Variants in RSPO2 observed in about 807,000 individuals in gnomAD.
The protein encoded by RSPO2 is R-spondin 2, also known as R-spondin-2.
A neutral mutation model predicts 30.9 loss-of-function variants in RSPO2; 14 were observed. The ratio of observed to expected loss-of-function variants is 0.45; its 90% CI spans 0.30 to 0.71. The LOEUF (loss-of-function observed/expected upper bound fraction) is 0.71, where lower values mean the gene tolerates loss of function less well. Among genes scored for constraint, RSPO2 ranks in the 30% least tolerant of loss-of-function variants. The pLI, the probability that RSPO2 is intolerant of heterozygous loss-of-function variation, is 0.08. For synonymous variants in RSPO2, 107 were observed against 96.4 expected, an observed-to-expected ratio of 1.11 and a Z score of -0.64; for missense variants, 264 against 301.9, an observed-to-expected ratio of 0.87 and a Z score of 0.93.
intron 5 of RSPO2, among the ~76,000 whole-genome samples, chr8:107,913,932 G>C (rs1032682970): frequency 5.9e-5 from 9 of 152,108 alleles, no homozygotes; most frequent in Non-Finnish European, 1.2e-4. Context: ...GCTTCTATCA[G>C]TATGTTCTTG....
intron 3 of RSPO2, among the ~76,000 whole-genome samples, chr8:107,972,302 T>C (rs1814028334): frequency 1.3e-5 from 2 of 151,960 alleles, no homozygotes; most frequent in African/African-American, 4.8e-5. Context: ...CCTGCCACCA[T>C]GTCTGGATAA....
At chr8:108,058,836 T>C (rs201752947) in intron 2 of RSPO2, among the ~76,000 whole-genome samples, 11 of 151,642 alleles carry the variant, frequency 7.3e-5, no homozygotes, top group Admixed American at 5.3e-4. Context: ...ACACCTTATA[T>C]AAAAATTAAT....
intron 2 of RSPO2, among the ~76,000 whole-genome samples, chr8:108,039,241 T>C (rs1348444319): frequency 6.6e-6 from 1 of 152,176 alleles, no homozygotes; most frequent in Non-Finnish European, 1.5e-5. Flanking sequence ...AATTAGAAAT[T>C]ACAAGTTCTA....
At chr8:107,993,405 G>A (rs1343298874) in intron 2 of RSPO2, among the ~76,000 whole-genome samples, 7 of 152,126 alleles carry the variant, frequency 4.6e-5, no homozygotes, top group Admixed American at 4.6e-4. Flanking sequence ...GGATAATACA[G>A]ATACACATGA....
chr8:107,992,579 AAC>A (rs1227746526), intron 2 of RSPO2, among the ~76,000 whole-genome samples: 1 of 152,126 alleles, frequency 6.6e-6, no homozygotes. Flanking sequence ...AAAGGAATAA[AAC>A]ACACTGTTCA....
intron 3 of RSPO2, among the ~76,000 whole-genome samples, chr8:107,984,278 T>A (rs1166115312): frequency 6.6e-6 from 1 of 152,250 alleles, no homozygotes; most frequent in Non-Finnish European, 1.5e-5. Context: ...TTTTCTTATC[T>A]TCAGGTTTAA....
intron 3 of RSPO2, among the ~76,000 whole-genome samples, chr8:107,964,154 C>T (rs1813721731): frequency 6.6e-6 from 1 of 152,210 alleles, no homozygotes; most frequent in African/African-American, 2.4e-5. Flanking sequence ...TGCAGGTGGC[C>T]CATGCATTCA....
intron 2 of RSPO2, among the ~76,000 whole-genome samples, chr8:108,036,979 TCTCTCTCA>T (rs1346995673): frequency 2.6e-5 from 4 of 152,154 alleles, no homozygotes; most frequent in Non-Finnish European, 5.9e-5. Flanking sequence ...ACTGTTGCCA[TCTCTCTCA>T]CTCTCTCCTC....
chr8:108,007,354 C>T (rs1183882975), intron 2 of RSPO2, among the ~76,000 whole-genome samples: 1 of 151,336 alleles, frequency 6.6e-6, no homozygotes, highest in Admixed American at 6.6e-5. Context: ...CATCCAAATA[C>T]CATTTGGTGA....
chr8:107,941,538 C>T (rs544196653), intron 5 of RSPO2, among the ~76,000 whole-genome samples: 1 of 152,016 alleles, frequency 6.6e-6, no homozygotes, highest in African/African-American at 2.4e-5. Context: ...TAAGATAGCC[C>T]CCGGCTAGAT....
intron 5 of RSPO2, among the ~76,000 whole-genome samples, chr8:107,913,574 C>A (rs1811887665): frequency 6.6e-6 from 1 of 152,160 alleles, no homozygotes; most frequent in Non-Finnish European, 1.5e-5. Flanking sequence ...TGAGAAGGAA[C>A]TCTAACATGT....
Position 107,920,070 on chromosome 8 carries a change from A to C in RSPO2, c.617-18880T>G, listed in dbSNP as rs1002004159. Among the ~76,000 whole-genome samples, 4 of 152,120 alleles carry C rather than the reference A, an allele frequency of 2.6e-5. No individual in the cohort carries two copies. In the South Asian group the frequency reaches 8.3e-4, roughly 31 times the overall value. On this transcript the variant is annotated intron_variant, in intron 5 of 5. Transcript: ENST00000276659. ...CCTCCAAGTTCCTGTATATATGAAC[A>C]AGATATGGAAATGACCAAAAATCTG... is the stretch of plus-strand genomic sequence containing the variant.
At chr8:107,909,564 A>C (rs1225560202) in intron 5 of RSPO2, among the ~76,000 whole-genome samples, 1 of 152,124 alleles carries the variant, frequency 6.6e-6, no homozygotes, top group African/African-American at 2.4e-5. Context: ...CCAGCTTTAA[A>C]GGTCAATAAA....
chr8:108,026,151 A>T (rs1811208965), intron 2 of RSPO2, among the ~76,000 whole-genome samples: 1 of 152,216 alleles, frequency 6.6e-6, no homozygotes, highest in Non-Finnish European at 1.5e-5. Flanking sequence ...CAGAACTTCA[A>T]TCAAATCATG....
chr8:107,901,564 A>C (rs1811464455), intron 5 of RSPO2, among the ~76,000 whole-genome samples: 1 of 152,230 alleles, frequency 6.6e-6, no homozygotes, highest in South Asian at 2.1e-4. Context: ...TCAGTGGGTC[A>C]AAAGAAAATA....
chr8:108,057,703 T>C (rs888545590), intron 2 of RSPO2, among the ~76,000 whole-genome samples: 3 of 151,930 alleles, frequency 2.0e-5, no homozygotes, highest in African/African-American at 7.2e-5. Context: ...AGAAAAAAAA[T>C]CCCAAGAATC....
intron 2 of RSPO2, among the ~76,000 whole-genome samples, chr8:108,076,900 G>A (rs1813030681): frequency 6.6e-6 from 1 of 152,104 alleles, no homozygotes; most frequent in South Asian, 2.1e-4. Flanking sequence ...TCTCAGTGAG[G>A]GAACCAAAGA....
At chr8:108,000,939 T>C (rs1815223165) in intron 2 of RSPO2, among the ~76,000 whole-genome samples, 1 of 151,508 alleles carries the variant, frequency 6.6e-6, no homozygotes, top group Non-Finnish European at 1.5e-5. Context: ...GAGGTGGAGC[T>C]TGCAGTGAGC....
chr8:107,938,312 ATGCT>A (rs1302955422), intron 5 of RSPO2, among the ~76,000 whole-genome samples: 1 of 152,114 alleles, frequency 6.6e-6, no homozygotes, highest in African/African-American at 2.4e-5. Flanking sequence ...TCCCAGGCAA[ATGCT>A]TCAGCCTCCC....
Sources: gnomAD v4.1 joint callset for allele counts (sites outside exome capture counted in the v4.1 genomes callset) on GRCh38, gnomAD v4.1.1 for gene constraint, MANE v1.5 for transcripts, NCBI Gene and HGNC (gene_info 2026-07-23, HGNC 2026-07-21) for gene names.